Variants in NTRK3 observed in about 807,000 individuals in gnomAD.
NTRK3 encodes neurotrophic receptor tyrosine kinase 3.
In NTRK3, 24 loss-of-function variants were observed where a neutral mutation model predicts 91.7. That is an observed-to-expected ratio of 0.26 (90% CI 0.19 to 0.37). The LOEUF is 0.37. NTRK3 is among the 10% of genes least tolerant of loss of function. The pLI, the probability that NTRK3 is intolerant of heterozygous loss-of-function variation, is 1.00. For synonymous variants in NTRK3, 483 were observed against 404.0 expected, an observed-to-expected ratio of 1.20 and a Z score of -2.34; for missense variants, 880 against 1,068.9, an observed-to-expected ratio of 0.82 and a Z score of 2.46.
chr15:88,078,058 T>G (rs2047711028), intron 13 of NTRK3, among the ~76,000 whole-genome samples: 1 of 152,218 alleles, frequency 6.6e-6, no homozygotes, highest in Admixed American at 6.5e-5. Context: ...CCAGGGGCCA[T>G]GCCTCTAAGA....
At chr15:87,944,937 C>G (rs750963834) in intron 14 of NTRK3, among the ~76,000 whole-genome samples, 1 of 152,234 alleles carries the variant, frequency 6.6e-6, no homozygotes, top group Non-Finnish European at 1.5e-5. Flanking sequence ...CTGTTCAGAG[C>G]TGCCTCTGGT....
chr15:88,030,049 T>A (rs1567254101), intron 14 of NTRK3, among the ~76,000 whole-genome samples: 1 of 152,248 alleles, frequency 6.6e-6, no homozygotes, highest in South Asian at 2.1e-4. Context: ...TGTCTACTGA[T>A]GGAACAGAAA....
At chr15:88,038,656 T>G (rs2079295599) in intron 13 of NTRK3, among the ~76,000 whole-genome samples, 1 of 152,166 alleles carries the variant, frequency 6.6e-6, no homozygotes, top group Non-Finnish European at 1.5e-5. Flanking sequence ...ATGGGAAATC[T>G]CTGTACCTTT....
intron 3 of NTRK3, among the ~76,000 whole-genome samples, chr15:88,222,861 T>C (rs1391938406): frequency 6.6e-6 from 1 of 152,096 alleles, no homozygotes; most frequent in Non-Finnish European, 1.5e-5. Flanking sequence ...CCAGGGAGGC[T>C]CAATGACTCA....
chr15:87,923,319 C>T (rs556415878), intron 17 of NTRK3, among the ~76,000 whole-genome samples: 1 of 152,186 alleles, frequency 6.6e-6, no homozygotes, highest in African/African-American at 2.4e-5. Context: ...GTGATTAGTC[C>T]CCACTTTCAG....
chr15:88,120,203 C>A (rs1445050375), intron 13 of NTRK3, among the ~76,000 whole-genome samples: 1 of 152,192 alleles, frequency 6.6e-6, no homozygotes, highest in Non-Finnish European at 1.5e-5. Context: ...TTCAATGTGG[C>A]AGCAGCCCCT....
rs193032151 is a variant in NTRK3, at chr15:87,898,065, G to A, written c.2134-17637C>T. 3.3e-5 allele frequency among the ~76,000 whole-genome samples: 5 copies of A among 152,314 alleles called. No individual in the cohort carries two copies. The East Asian group carries it at 7.7e-4, about 23-fold the overall frequency. ...GGCATGGCAAGGCTTCAAGACACCT[G>A]CACATACATAATACTTTGAATCTAA... On this transcript the variant is annotated intron_variant, in intron 17 of 18. Coordinates refer to ENST00000394480, the Ensembl canonical transcript of NTRK3.
intron 17 of NTRK3, 36 bp from the exon 18 acceptor site, chr15:87,885,771 A>C (rs2065498486): frequency 1.0e-6 from 1 of 974,812 alleles, no homozygotes. Context: ...TAATATTAGA[A>C]GAAAACTTAG....
intron 14 of NTRK3, among the ~76,000 whole-genome samples, chr15:87,947,448 G>A (rs2070678022): frequency 6.6e-6 from 1 of 152,194 alleles, no homozygotes; most frequent in Non-Finnish European, 1.5e-5. Flanking sequence ...TCTGTAAAGA[G>A]AGAGTGTGTC....
exon 7 of NTRK3, chr15:88,137,522 G>T (rs2041992593): frequency 6.2e-7 from 1 of 1,614,140 alleles, no homozygotes; most frequent in Non-Finnish European, 8.5e-7. Flanking sequence ...GCATCCAGCG[G>T]ATGTCACAGC....
chr15:88,219,089 TGCA>T (rs1159766471), intron 3 of NTRK3, among the ~76,000 whole-genome samples: 1 of 152,208 alleles, frequency 6.6e-6, no homozygotes, highest in Non-Finnish European at 1.5e-5. Context: ...AACAACAATC[TGCA>T]CGCATGAAGG....
intron 5 of NTRK3, 100 bp from the exon 6 acceptor site, chr15:88,147,503 T>TTCC (rs1272713394): frequency 2.3e-6 from 2 of 883,806 alleles, no homozygotes; most frequent in South Asian, 2.9e-5. Context: ...TGGCTTTGTT[T>TTCC]TCCTTCTTCT....
chr15:88,136,571 C>T (rs369015936), exon 8 of NTRK3: 55 of 1,613,540 alleles, frequency 3.4e-5, no homozygotes, highest in Middle Eastern at 3.4e-4. Flanking sequence ...CCCTCTCGTA[C>T]GGTCAGGTTG....
At chr15:88,039,161 A>G (rs879814146) in intron 13 of NTRK3, among the ~76,000 whole-genome samples, 21 of 150,156 alleles carry the variant, frequency 1.4e-4, no homozygotes, top group Non-Finnish European at 2.5e-4. Context: ...ACACACACAC[A>G]CACGCACAGA....
intron 14 of NTRK3, among the ~76,000 whole-genome samples, chr15:88,013,549 T>C (rs2077027461): frequency 6.6e-6 from 1 of 152,230 alleles, no homozygotes; most frequent in Admixed American, 6.5e-5. Flanking sequence ...CCCTTTATGA[T>C]CTGACAGCAT....
chr15:87,920,578 C>A (rs905309653), intron 17 of NTRK3, among the ~76,000 whole-genome samples: 1 of 152,206 alleles, frequency 6.6e-6, no homozygotes, highest in African/African-American at 2.4e-5. Context: ...AACTCCAGCC[C>A]TGTCCACTTG....
exon 10 of NTRK3, chr15:88,135,388 C>T (rs148888023): frequency 1.7e-4 from 275 of 1,613,656 alleles, no homozygotes; most frequent in Non-Finnish European, 2.2e-4. Flanking sequence ...GCTCACCACA[C>T]GTGGGGGATC....
intron 13 of NTRK3, among the ~76,000 whole-genome samples, chr15:88,033,535 T>C (rs893617787): frequency 2.0e-5 from 3 of 151,904 alleles, no homozygotes; most frequent in African/African-American, 7.3e-5. Context: ...GGTCTCAAAC[T>C]CCTGACCTCA....
chr15:88,029,601 G>C (rs2078349605), intron 14 of NTRK3, among the ~76,000 whole-genome samples: 10 of 152,176 alleles, frequency 6.6e-5, no homozygotes, highest in Admixed American at 6.5e-4. Context: ...TTTTAAATGG[G>C]ACAAAGAAGG....
Sources: allele counts gnomAD v4.1 joint callset (sites outside exome capture counted in the v4.1 genomes callset), GRCh38; gene constraint gnomAD v4.1.1; transcripts MANE v1.5; gene names NCBI Gene and HGNC (gene_info 2026-07-23, HGNC 2026-07-21).